Variants in FERMT2 observed in about 807,000 individuals in gnomAD.
FERMT2 encodes fermitin family homolog 2.
FERMT2 carries 15 observed loss-of-function variants against 82.7 expected under a neutral mutation model. The ratio of observed to expected loss-of-function variants is 0.18; its 90% confidence interval spans 0.12 to 0.28. The LOEUF is 0.28. Ranked by LOEUF, FERMT2 falls within the 10% of genes least tolerant of loss-of-function variation. The probability of loss-of-function intolerance (pLI) is 1.00; values close to 1 mark genes in which losing one functional copy is unlikely to be tolerated. For missense variants in FERMT2, 645 were observed against 809.4 expected, an observed-to-expected ratio of 0.80 and a Z score of 2.46; for synonymous variants, 274 against 271.5, an observed-to-expected ratio of 1.01 and a Z score of -0.09.
At chr14:52,897,213 T>C (rs1389956994) in intron 3 of FERMT2, among the ~76,000 whole-genome samples, 1 of 152,214 alleles carries the variant, frequency 6.6e-6, no homozygotes, top group Non-Finnish European at 1.5e-5. Context: ...TAATATTCTA[T>C]GTAAATAAAT....
intron 3 of FERMT2, among the ~76,000 whole-genome samples, chr14:52,895,858 C>G (rs1315224001): frequency 6.6e-6 from 1 of 151,928 alleles, no homozygotes; most frequent in Non-Finnish European, 1.5e-5. Context: ...AAAGAAAAGC[C>G]GCAGAAAGGA....
intron 10 of FERMT2, among the ~76,000 whole-genome samples, chr14:52,867,410 C>T (rs1387020491): frequency 6.6e-6 from 1 of 152,158 alleles, no homozygotes; most frequent in African/African-American, 2.4e-5. Flanking sequence ...ACTACTCTGT[C>T]CTTTTGAAAC....
In FERMT2 at chr14:52,880,253, T is replaced by A. The variant is rs145832997; in HGVS notation, c.855+783A>T. 2.6e-3 allele frequency among the ~76,000 whole-genome samples: 394 copies of A among 152,270 alleles called. 5 individuals carry two copies. Among genetic ancestry groups the A allele is most frequent in the East Asian group, 0.019 (97 of 5,186 alleles). ...GCCTGGAGGACAGAGTGAGACCCTG[T>A]CTCAAGAAAAAAACGTTTTTTTGAA... On this transcript the variant is annotated intron_variant, in intron 6 of 14. Transcript: ENST00000341590.
At chr14:52,863,504 T>G (rs1260470394) in intron 12 of FERMT2, 1 of 152,198 alleles carries the variant, frequency 6.6e-6, no homozygotes, top group African/African-American at 2.4e-5. Flanking sequence ...CCAGGGCCTA[T>G]ACCAAGTGAA....
chr14:52,925,961 G>T (rs1199319082), intron 2 of FERMT2, among the ~76,000 whole-genome samples: 1 of 152,084 alleles, frequency 6.6e-6, no homozygotes, highest in Non-Finnish European at 1.5e-5. Context: ...GGTAACTCTT[G>T]AAAGCACTTA....
intron 4 of FERMT2, among the ~76,000 whole-genome samples, chr14:52,888,800 G>A (rs79024024): frequency 0.037 from 5,703 of 152,274 alleles, 131 homozygotes; most frequent in Middle Eastern, 0.078. Context: ...GGATGACTCT[G>A]ATTGCCACTA....
intron 2 of FERMT2, among the ~76,000 whole-genome samples, chr14:52,936,645 C>G (rs913371073): frequency 7.2e-5 from 11 of 152,156 alleles, no homozygotes; most frequent in Non-Finnish European, 1.6e-4. Flanking sequence ...GAATTCTCAT[C>G]CTCTTCCCAG....
chr14:52,899,484 G>A (rs1026648130), intron 3 of FERMT2, among the ~76,000 whole-genome samples: 5 of 152,072 alleles, frequency 3.3e-5, no homozygotes, highest in Admixed American at 1.3e-4. Flanking sequence ...GGGTTTCACC[G>A]TATTAGCCAG....
In FERMT2 at chr14:52,898,087, G is replaced by A. The variant is rs73304316; in HGVS notation, c.392-4660C>T. The stretch of plus-strand genomic sequence containing the variant: ...GTATTTTACAGGCTATTTTCTGATC[G>A]GTTTCTGAAACCTGAAAATGGAATT... On this transcript the variant is annotated intron_variant, in intron 3 of 14. Transcript: ENST00000341590. Among the ~76,000 whole-genome samples the A allele has an allele frequency of 2.6e-4, 40 of 151,726 alleles. 2 individuals carry two copies. The highest frequency in any genetic ancestry group is 2.0e-3 in the Admixed American group (31 of 15,236).
chr14:52,895,004 T>C (rs112252849), intron 3 of FERMT2, among the ~76,000 whole-genome samples: 2 of 151,940 alleles, frequency 1.3e-5, no homozygotes, highest in Non-Finnish European at 2.9e-5. Flanking sequence ...ACAAAAGTCT[T>C]GTATTCTGAA....
intron 9 of FERMT2, 55 bp from the exon 10 acceptor site, chr14:52,872,978 C>G: frequency 6.5e-7 from 1 of 1,541,948 alleles, no homozygotes; most frequent in Non-Finnish European, 8.9e-7. Context: ...TTTATTAACG[C>G]TGTATTAGCA....
intron 4 of FERMT2, among the ~76,000 whole-genome samples, chr14:52,882,782 T>C (rs1458162385): frequency 1.1e-5 from 1 of 94,794 alleles, no homozygotes; most frequent in Non-Finnish European, 2.4e-5. Flanking sequence ...CATGACCTAG[T>C]CTAGGAAGCA....
At chr14:52,912,065 C>A (rs1418585184) in intron 3 of FERMT2, among the ~76,000 whole-genome samples, 1 of 151,806 alleles carries the variant, frequency 6.6e-6, no homozygotes, top group East Asian at 1.9e-4. Flanking sequence ...AGATACCCCC[C>A]TTCCCTGTCG....
chr14:52,914,019 C>T (rs1484524718), intron 3 of FERMT2, among the ~76,000 whole-genome samples: 3 of 151,894 alleles, frequency 2.0e-5, no homozygotes, highest in Non-Finnish European at 4.4e-5. Context: ...CCCTAAGCTC[C>T]ATTTGGTTAA....
At chr14:52,906,958 G>GC (rs1286052617) in intron 3 of FERMT2, among the ~76,000 whole-genome samples, 31 of 130,568 alleles carry the variant, frequency 2.4e-4, no homozygotes, top group African/African-American at 8.5e-4. Flanking sequence ...GGGGGGGGGG[G>GC]GGAATTTAGA....
intron 7 of FERMT2, among the ~76,000 whole-genome samples, chr14:52,876,058 T>C (rs1189176091): frequency 6.6e-6 from 1 of 152,236 alleles, no homozygotes; most frequent in African/African-American, 2.4e-5. Context: ...ACAAATATTA[T>C]GTTAAGCCTT....
chr14:52,881,866 G>T, intron 4 of FERMT2: 1 of 982,558 alleles, frequency 1.0e-6, no homozygotes, highest in South Asian at 1.4e-5. Flanking sequence ...GAAGGTAAAG[G>T]AAAGGCCACA....
intron 10 of FERMT2, chr14:52,872,039 G>C (rs1339251371): frequency 6.6e-6 from 1 of 152,334 alleles, no homozygotes; most frequent in Non-Finnish European, 1.5e-5. Context: ...TGGCGAGCCA[G>C]GAAAATTCAG....
intron 4 of FERMT2, among the ~76,000 whole-genome samples, chr14:52,883,953 A>G (rs1482360518): frequency 6.6e-6 from 1 of 152,130 alleles, no homozygotes; most frequent in African/African-American, 2.4e-5. Context: ...TGATGCCACC[A>G]TGCTTCCTGG....
Sources: allele counts gnomAD v4.1 joint callset (sites outside exome capture counted in the v4.1 genomes callset), GRCh38; gene constraint gnomAD v4.1.1; transcripts MANE v1.5; gene names NCBI Gene and HGNC (gene_info 2026-07-23, HGNC 2026-07-21).